Variants in FRMD5 observed in about 807,000 individuals in gnomAD.
The protein encoded by FRMD5 is FERM domain containing 5, also known as FERM domain-containing protein 5.
A neutral mutation model predicts 69.0 loss-of-function variants in FRMD5; 20 were observed. The ratio of observed to expected loss-of-function variants is 0.29; its 90% CI spans 0.20 to 0.42. The LOEUF is 0.42. Ranked by LOEUF, FRMD5 falls within the 10% of genes least tolerant of loss-of-function variation. The probability of loss-of-function intolerance (pLI) is 1.00; values close to 1 mark genes in which losing one functional copy is unlikely to be tolerated. For missense variants in FRMD5, 595 were observed against 708.6 expected (o/e 0.84, Z 1.82); for synonymous variants, 271 against 260.1 (o/e 1.04, Z -0.40).
intron 1 of FRMD5, among the ~76,000 whole-genome samples, chr15:44,042,680 C>T (rs1016106173): frequency 5.9e-5 from 9 of 152,188 alleles, no homozygotes; most frequent in Non-Finnish European, 1.3e-4. Flanking sequence ...ACAAAAAGCA[C>T]ATGATTATCT....
Position 44,116,416 on chromosome 15 carries a change from C to T in FRMD5, c.102+78537G>A, listed in dbSNP as rs139901790. ...CTGGGACTAAGGACGCCACCACACC[C>T]AGCTCCAAATATATTTCTTTGGCTT... On this transcript the variant is annotated intron_variant, in intron 1 of 13. Transcript: ENST00000417257. Among the ~76,000 whole-genome samples the T allele has an allele frequency of 3.9e-5, 6 of 152,188 alleles. No individual in the cohort carries two copies. The East Asian group carries it at 1.2e-3, about 29-fold the overall frequency.
chr15:44,196,184 G>A (rs371490608), upstream of FRMD5, among the ~76,000 whole-genome samples: 52 of 152,218 alleles, frequency 3.4e-4, 1 homozygote, highest in South Asian at 7.3e-3. Flanking sequence ...TATGTCGGCC[G>A]GGCGCAGTGG....
At chr15:43,918,319 G>C (rs557090036) in intron 4 of FRMD5, among the ~76,000 whole-genome samples, 1 of 152,336 alleles carries the variant, frequency 6.6e-6, no homozygotes, top group South Asian at 2.1e-4. Flanking sequence ...AGTTAGTCAG[G>C]AGGCTGAGGC....
At chr15:44,102,067 T>C (rs1050280619) in intron 1 of FRMD5, among the ~76,000 whole-genome samples, 15 of 152,244 alleles carry the variant, frequency 9.9e-5, no homozygotes, top group African/African-American at 3.6e-4. Flanking sequence ...TTGGCACCAT[T>C]ATCCATTCTT....
At chr15:44,032,245 A>G (rs1595648751) in intron 1 of FRMD5, among the ~76,000 whole-genome samples, 1 of 152,286 alleles carries the variant, frequency 6.6e-6, no homozygotes, top group South Asian at 2.1e-4. Flanking sequence ...AAACTATGAA[A>G]ACCCTGGAAG....
intron 1 of FRMD5, among the ~76,000 whole-genome samples, chr15:44,017,544 A>C (rs1337459263): frequency 6.6e-6 from 1 of 152,042 alleles, no homozygotes. Flanking sequence ...TACACTGATA[A>C]ATCAGTTGCC....
chr15:44,064,270 C>T, intron 1 of FRMD5: 1 of 159,864 alleles, frequency 6.3e-6, no homozygotes. Flanking sequence ...CTAGAGAAAC[C>T]TGGCAAATAT....
At chr15:44,162,936 A>G (rs1208995361) in intron 1 of FRMD5, among the ~76,000 whole-genome samples, 1 of 149,860 alleles carries the variant, frequency 6.7e-6, no homozygotes, top group Non-Finnish European at 1.5e-5. Context: ...GCACTTTGGG[A>G]GGCCAAGACG....
intron 1 of FRMD5, among the ~76,000 whole-genome samples, chr15:44,013,835 T>C (rs866762260): frequency 1.3e-5 from 2 of 150,120 alleles, no homozygotes; most frequent in Middle Eastern, 3.5e-3. Flanking sequence ...GGAGGAGTGA[T>C]GCAAGTATCT....
At chr15:44,047,547 C>A (rs1456089672) in intron 1 of FRMD5, among the ~76,000 whole-genome samples, 2 of 152,100 alleles carry the variant, frequency 1.3e-5, no homozygotes, top group Non-Finnish European at 2.9e-5. Flanking sequence ...CTATGACAAA[C>A]AATTCTTTTT....
chr15:44,041,749 C>T lies in FRMD5; in HGVS notation c.103-117440G>A, dbSNP rs150580299. Reference sequence around the variant, plus strand: ...GAAACGAATGAGAACAAAGACACAACGTACCAGAATCTCTGTGACACATTT... The same window carrying T: ...GAAACGAATGAGAACAAAGACACAATGTACCAGAATCTCTGTGACACATTT... On this transcript the variant is annotated intron_variant, in intron 1 of 13. Transcript: ENST00000417257. Among the ~76,000 whole-genome samples the T allele has an allele frequency of 2.0e-3, 309 of 152,238 alleles. 1 individual carries two copies. The highest frequency in any genetic ancestry group is 6.8e-3 in the African/African-American group (284 of 41,550).
intron 1 of FRMD5, among the ~76,000 whole-genome samples, chr15:43,979,600 A>G (rs2090517515): frequency 6.6e-6 from 1 of 152,232 alleles, no homozygotes; most frequent in Non-Finnish European, 1.5e-5. Flanking sequence ...AATAACACAT[A>G]CATTACTGAC....
At chr15:44,027,639 G>GTTTTTTTT (rs767882395) in intron 1 of FRMD5, among the ~76,000 whole-genome samples, 1 of 27,050 alleles carries the variant, frequency 3.7e-5, no homozygotes, top group East Asian at 1.1e-3. Flanking sequence ...TTCTTTTCTA[G>GTTTTTTTT]TTTTTTTTTT....
intron 1 of FRMD5, among the ~76,000 whole-genome samples, chr15:44,040,924 T>G (rs1892157873): frequency 7.4e-6 from 1 of 135,020 alleles, no homozygotes. Context: ...GAGACCCATC[T>G]CATCTGCAAA....
At chr15:44,031,735 T>C (rs1891693568) in intron 1 of FRMD5, among the ~76,000 whole-genome samples, 1 of 152,152 alleles carries the variant, frequency 6.6e-6, no homozygotes, top group African/African-American at 2.4e-5. Flanking sequence ...CGTAGTCCAG[T>C]ATTTGGTGGC....
chr15:43,891,925 G>A (rs746349170), intron 8 of FRMD5, 56 bp downstream of exon 8: 232 of 1,425,826 alleles, frequency 1.6e-4, no homozygotes, highest in Non-Finnish European at 2.1e-4. Context: ...GGGAACCGTC[G>A]CCCCTCCCCA....
intron 1 of FRMD5, among the ~76,000 whole-genome samples, chr15:43,986,712 C>T (rs1284861341): frequency 3.9e-5 from 2 of 51,060 alleles, no homozygotes. Context: ...TGTTAAAGTA[C>T]TTGGGATTTT....
intron 1 of FRMD5, among the ~76,000 whole-genome samples, chr15:44,042,103 A>G (rs1181066968): frequency 6.6e-6 from 1 of 152,216 alleles, no homozygotes; most frequent in African/African-American, 2.4e-5. Context: ...AGGGGATATC[A>G]CCACCAATCC....
intron 1 of FRMD5, among the ~76,000 whole-genome samples, chr15:43,950,877 G>A (rs2090015922): frequency 6.6e-6 from 1 of 152,204 alleles, no homozygotes; most frequent in South Asian, 2.1e-4. Context: ...CAGGCAAAGT[G>A]ACACTGACTT....
Sources: allele counts gnomAD v4.1 joint callset (sites outside exome capture counted in the v4.1 genomes callset), GRCh38; gene constraint gnomAD v4.1.1; transcripts MANE v1.5; gene names NCBI Gene and HGNC (gene_info 2026-07-23, HGNC 2026-07-21).